KIF13B: variants seen among roughly 807,000 people sequenced by gnomAD.
The protein encoded by KIF13B is kinesin family member 13B, also known as kinesin-like protein KIF13B.
In KIF13B, 127 loss-of-function variants were observed where a neutral mutation model predicts 222.0. The ratio of observed to expected loss-of-function variants is 0.57; its 90% confidence interval spans 0.50 to 0.66. The LOEUF (loss-of-function observed/expected upper bound fraction) is 0.66. Ranked by LOEUF, KIF13B falls within the 30% of genes least tolerant of loss-of-function variation. The pLI is 0.00. For synonymous variants in KIF13B, 976 were observed against 919.0 expected (o/e 1.06, Z -1.12); for missense variants, 2,173 against 2,379.0 (o/e 0.91, Z 1.80).
chr8:29,096,721 C>G (rs1473523430), intron 36 of KIF13B, among the ~76,000 whole-genome samples: 1 of 151,936 alleles, frequency 6.6e-6, no homozygotes, highest in African/African-American at 2.4e-5. Flanking sequence ...TTGCATGGTT[C>G]CTGTATTTGT....
At chr8:29,240,300 G>T (rs1366181950) in intron 2 of KIF13B, among the ~76,000 whole-genome samples, 5 of 149,736 alleles carry the variant, frequency 3.3e-5, no homozygotes, top group Admixed American at 6.7e-5. Context: ...GTCATTGTAC[G>T]CTTCATCACC....
chr8:29,137,783 G>C (rs1810633088), intron 21 of KIF13B, among the ~76,000 whole-genome samples: 1 of 152,144 alleles, frequency 6.6e-6, no homozygotes, highest in African/African-American at 2.4e-5. Context: ...TCTGGGACAG[G>C]AAATACACAA....
intron 35 of KIF13B, among the ~76,000 whole-genome samples, chr8:29,106,551 G>A (rs770941787): frequency 7.4e-6 from 1 of 134,700 alleles, no homozygotes; most frequent in Non-Finnish European, 1.5e-5. Context: ...AGAATCACTT[G>A]AACCTGGGAG....
At chr8:29,150,251 G>T in intron 15 of KIF13B, 46 bp downstream of exon 15, 1 of 1,049,644 alleles carries the variant, frequency 9.5e-7, no homozygotes, top group Non-Finnish European at 1.4e-6. Flanking sequence ...CTATTTCAGA[G>T]CACAATCTTC....
intron 35 of KIF13B, 88 bp downstream of exon 35, chr8:29,108,051 C>T: frequency 8.8e-7 from 1 of 1,142,154 alleles, no homozygotes; most frequent in South Asian, 1.4e-5. Context: ...GAAATTCTGG[C>T]TTGCAAAAAT....
At chr8:29,178,518 G>A (rs1457704453) in intron 8 of KIF13B, among the ~76,000 whole-genome samples, 4 of 152,088 alleles carry the variant, frequency 2.6e-5, no homozygotes, top group Non-Finnish European at 5.9e-5. Context: ...TATAAGGAAT[G>A]TAGGAAACCA....
intron 35 of KIF13B, among the ~76,000 whole-genome samples, chr8:29,102,749 C>CTGGGAGGAG (rs1808853692): frequency 2.0e-5 from 3 of 152,322 alleles, no homozygotes; most frequent in Admixed American, 6.5e-5. Context: ...TTGGCATCTC[C>CTGGGAGGAG]TCCCAGGGCT....
rs539822246 is a variant in KIF13B at position 29,237,475 on chromosome 8, C to T, written c.149+7871G>A. Among the ~76,000 whole-genome samples, 197 of 152,228 alleles carry T rather than the reference C, an allele frequency of 1.3e-3. 2 individuals carry two copies. The Middle Eastern group carries it at 0.02, about 16-fold the overall frequency. ...GCTGGCAACTAACCATATACACAAA[C>T]CCTGAGTCCACATATCAAATGTTAG... On this transcript the variant is annotated intron_variant, in intron 2 of 39. Coordinates refer to ENST00000524189, the MANE Select transcript of KIF13B (RefSeq NM_015254.4).
At chr8:29,144,274 T>A (rs1415448894) in intron 18 of KIF13B, among the ~76,000 whole-genome samples, 3 of 152,142 alleles carry the variant, frequency 2.0e-5, no homozygotes, top group Non-Finnish European at 4.4e-5. Context: ...TGTTTTTTTT[T>A]AATTGAGACA....
rs377022490 is a variant in KIF13B, at chr8:29,224,232, T to C, written c.149+21114A>G. Among the ~76,000 whole-genome samples, 441 of 151,716 alleles carry C rather than the reference T, an allele frequency of 2.9e-3. 1 individual carries two copies. The highest frequency in any genetic ancestry group is 0.01 in the African/African-American group (417 of 41,360). On this transcript the variant is annotated intron_variant, in intron 2 of 39. Coordinates refer to ENST00000524189, the MANE Select transcript of KIF13B (RefSeq NM_015254.4). ...GTTAGCCAGGATGGTCTCGATCTCC[T>C]GACCTCGTGATCCACCTGCCTCGGC...
intron 6 of KIF13B, among the ~76,000 whole-genome samples, chr8:29,185,451 T>C (rs1227605790): frequency 6.6e-6 from 1 of 152,224 alleles, no homozygotes; most frequent in Non-Finnish European, 1.5e-5. Flanking sequence ...TGGCATATAA[T>C]GATCACTCAA....
chr8:29,232,315 T>C (rs903537993), intron 2 of KIF13B, among the ~76,000 whole-genome samples: 8 of 149,366 alleles, frequency 5.4e-5, no homozygotes, highest in Admixed American at 4.7e-4. Context: ...AAAATATATA[T>C]AGGCTTGGCA....
intron 35 of KIF13B, among the ~76,000 whole-genome samples, chr8:29,104,030 G>T (rs1245338792): frequency 6.6e-6 from 1 of 152,052 alleles, no homozygotes; most frequent in Non-Finnish European, 1.5e-5. Flanking sequence ...GAAGCATGTG[G>T]ATGGAGTCCT....
At chr8:29,241,862 A>T (rs1003207179) in intron 2 of KIF13B, among the ~76,000 whole-genome samples, 10 of 152,086 alleles carry the variant, frequency 6.6e-5, no homozygotes, top group Non-Finnish European at 1.5e-4. Flanking sequence ...TATTTTTTTT[A>T]AAAAAGATAT....
chr8:29,162,125 C>T (rs144441819), intron 12 of KIF13B, among the ~76,000 whole-genome samples: 51 of 152,136 alleles, frequency 3.4e-4, no homozygotes, highest in East Asian at 2.9e-3. Context: ...AGGGTACAGT[C>T]GGGGCTGGAG....
At chr8:29,175,271 G>A (rs1197229478) in intron 10 of KIF13B, among the ~76,000 whole-genome samples, 1 of 152,126 alleles carries the variant, frequency 6.6e-6, no homozygotes, top group Non-Finnish European at 1.5e-5. Flanking sequence ...GCTCTGGAAG[G>A]CTAGAGGAAG....
chr8:29,142,501 C>T (rs185612395), intron 18 of KIF13B, among the ~76,000 whole-genome samples, 198 bp from the exon 19 acceptor site: 1 of 152,190 alleles, frequency 6.6e-6, no homozygotes, highest in African/African-American at 2.4e-5. Flanking sequence ...CAATCAAAAC[C>T]TATTTATAAA....
chr8:29,107,525 T>TCA (rs372061687), intron 35 of KIF13B, among the ~76,000 whole-genome samples: 2,565 of 148,250 alleles, frequency 0.017, 39 homozygotes, highest in African/African-American at 0.044. Flanking sequence ...CGAAACATCA[T>TCA]CACACACACA....
intron 3 of KIF13B, among the ~76,000 whole-genome samples, chr8:29,194,237 T>G (rs2130369150): frequency 6.6e-6 from 1 of 152,082 alleles, no homozygotes; most frequent in Non-Finnish European, 1.5e-5. Context: ...AGGCCAACTG[T>G]ATATTTATCA....
Sources: gnomAD v4.1 joint callset for allele counts (sites outside exome capture counted in the v4.1 genomes callset) on GRCh38, gnomAD v4.1.1 for gene constraint, MANE v1.5 for transcripts, NCBI Gene and HGNC (gene_info 2026-07-23, HGNC 2026-07-21) for gene names.